The following ACKR2 variants were observed in gnomAD, a reference collection of about 807,000 sequenced individuals.
ACKR2 encodes C-C chemokine receptor D6.
For synonymous variants in ACKR2, 207 were observed against 192.2 expected (o/e 1.08, Z -0.64); for missense variants, 457 against 477.3 (o/e 0.96, Z 0.40).
chr3:42,859,545 A>ATT, intron 2 of ACKR2, among the ~76,000 whole-genome samples: 1 of 151,060 alleles, frequency 6.6e-6, no homozygotes, highest in East Asian at 1.9e-4. Flanking sequence ...TGCCCAGCTA[A>ATT]TTTTTTTTTG....
At chr3:42,847,401 G>A (rs898475636) in intron 2 of ACKR2, among the ~76,000 whole-genome samples, 1 of 152,134 alleles carries the variant, frequency 6.6e-6, no homozygotes, top group African/African-American at 2.4e-5. Flanking sequence ...CGTCAATGGA[G>A]CATGTTAGGA....
At chr3:42,858,148 C>T (rs1452178200) in intron 2 of ACKR2, among the ~76,000 whole-genome samples, 1 of 152,250 alleles carries the variant, frequency 6.6e-6, no homozygotes, top group Admixed American at 6.5e-5. Flanking sequence ...AGCAGTGGAT[C>T]TCCCAGCACA....
chr3:42,843,695 G>C (rs1330993762), intron 2 of ACKR2, among the ~76,000 whole-genome samples: 1 of 152,154 alleles, frequency 6.6e-6, no homozygotes, highest in African/African-American at 2.4e-5. Flanking sequence ...CTGGTGTTCT[G>C]ATTTAGCCAA....
At chr3:42,856,430 G>C in intron 2 of ACKR2, 5 of 702,004 alleles carry the variant, frequency 7.1e-6, no homozygotes, top group Non-Finnish European at 1.3e-5. Context: ...AGATACTTTG[G>C]GTCAACTGAG....
In ACKR2 at chr3:42,865,742, T is replaced by A; in HGVS notation, c.*85T>A. On this transcript the variant is annotated 3_prime_UTR_variant, in exon 3 of 3. Coordinates refer to ENST00000422265, the MANE Select transcript of ACKR2 (RefSeq NM_001296.5). ...AAAGTGCTCTCTCCAGGGGCCTCAG[T>A]GACTGTGTTGCTAAACCCAGTGGTC... 1 of 1,096,270 alleles carries A rather than the reference T, an allele frequency of 9.1e-7. No homozygotes were observed. Among genetic ancestry groups the A allele is most frequent in the Non-Finnish European group, 1.3e-6 (1 of 762,216 alleles). 67.9% of individuals were successfully genotyped at this position (1,096,270 alleles called of 1,614,324 possible). A position where few individuals can be genotyped will look rare whatever the true frequency, so the allele number is the denominator to read the frequency against.
chr3:42,830,824 C>T (rs528453537), intron 2 of ACKR2, among the ~76,000 whole-genome samples: 1 of 152,038 alleles, frequency 6.6e-6, no homozygotes, highest in African/African-American at 2.4e-5. Context: ...CAGGTGCATT[C>T]TATATCCCCT....
At chr3:42,845,642 G>C (rs543934904) in intron 2 of ACKR2, among the ~76,000 whole-genome samples, 1 of 152,038 alleles carries the variant, frequency 6.6e-6, no homozygotes, top group Non-Finnish European at 1.5e-5. Flanking sequence ...TTTAAAAAAC[G>C]TAATAGTGCC....
At chr3:42,811,527 A>G (rs901665259) in intron 1 of ACKR2, among the ~76,000 whole-genome samples, 14 of 152,228 alleles carry the variant, frequency 9.2e-5, no homozygotes, top group African/African-American at 3.4e-4. Context: ...GTATTGTCCA[A>G]GGTTTCCCCC....
At chr3:42,827,907 T>C (rs1182258613) in intron 2 of ACKR2, among the ~76,000 whole-genome samples, 2 of 151,986 alleles carry the variant, frequency 1.3e-5, no homozygotes, top group African/African-American at 4.8e-5. Flanking sequence ...TTGCTAACTT[T>C]GGGCAGAGCA....
intron 2 of ACKR2, among the ~76,000 whole-genome samples, chr3:42,831,850 G>C (rs1700935216): frequency 6.6e-6 from 1 of 152,050 alleles, no homozygotes; most frequent in Non-Finnish European, 1.5e-5. Flanking sequence ...TCCTTTCATG[G>C]ACCATGATGC....
chr3:42,849,063 A>C (rs1559690969), intron 2 of ACKR2, among the ~76,000 whole-genome samples: 1 of 152,268 alleles, frequency 6.6e-6, no homozygotes, highest in Non-Finnish European at 1.5e-5. Context: ...ATTCTGGTTT[A>C]GATCCTGGGC....
chr3:42,865,526 G>T lies in ACKR2; in HGVS notation c.1024G>T (p.Ala342Ser). Reference sequence around the variant, plus strand: ...GCACCTGGCACCTGGCACTGCCCAGGCCTCATTATCCAGCTGTTCTGAGAG... The same window carrying T: ...GCACCTGGCACCTGGCACTGCCCAGTCCTCATTATCCAGCTGTTCTGAGAG... ...GWHLAPGTAQ[A>S]SLSSCSESSI... The change falls in exon 3 of 3, where the codon GCC becomes TCC. Residue 342 changes from alanine (A) to serine (S), a missense_variant. Transcript: ENST00000422265. The T allele has an allele frequency of 1.2e-6, 2 of 1,614,116 alleles. No individual in the cohort carries two copies. The highest frequency in any genetic ancestry group is 1.7e-6 in the Non-Finnish European group (2 of 1,180,022).
chr3:42,840,932 C>T (rs555158056), intron 2 of ACKR2, among the ~76,000 whole-genome samples: 15 of 152,254 alleles, frequency 9.9e-5, no homozygotes, highest in African/African-American at 1.4e-4. Flanking sequence ...TCAGGCAATC[C>T]GCCCACCTCG....
In ACKR2 at chr3:42,826,099, C is replaced by T. The variant is rs570478839; in HGVS notation, c.-38+6388C>T. On this transcript the variant is annotated intron_variant, in intron 2 of 2. Transcript: ENST00000422265. The stretch of plus-strand genomic sequence containing the variant: ...ATGCCTGGCAAATAGCTTAACTAGT[C>T]ATGGTGTATAACCCGTTATATCTGT... Among the ~76,000 whole-genome samples the T allele has an allele frequency of 5.3e-5, 8 of 152,004 alleles. 1 individual carries two copies. The South Asian group carries it at 1.7e-3, about 32-fold the overall frequency.
chr3:42,835,393 G>C (rs145224187), intron 2 of ACKR2: 13 of 151,716 alleles, frequency 8.6e-5, no homozygotes, highest in Non-Finnish European at 4.4e-5. Flanking sequence ...TAGAGTCCAC[G>C]TTGCTTTCCG....
chr3:42,833,639 G>T (rs1181999827), intron 2 of ACKR2, among the ~76,000 whole-genome samples: 2 of 151,788 alleles, frequency 1.3e-5, no homozygotes, highest in Admixed American at 6.6e-5. Context: ...CTACTGTACT[G>T]CCCAGTTCTA....
At chr3:42,862,591 G>A (rs530877615) in intron 2 of ACKR2, among the ~76,000 whole-genome samples, 3 of 151,598 alleles carry the variant, frequency 2.0e-5, no homozygotes, top group Admixed American at 1.3e-4. Flanking sequence ...GAGGCATCAC[G>A]CTACCTGACT....
chr3:42,824,087 G>A (rs138131587), intron 2 of ACKR2, among the ~76,000 whole-genome samples: 1 of 151,982 alleles, frequency 6.6e-6, no homozygotes, highest in Non-Finnish European at 1.5e-5. Flanking sequence ...TTAAACTTGG[G>A]TCTCATCCCA....
chr3:42,849,509 A>G (rs1410288908), intron 2 of ACKR2, among the ~76,000 whole-genome samples: 2 of 152,214 alleles, frequency 1.3e-5, no homozygotes, highest in Non-Finnish European at 2.9e-5. Context: ...GTCAAAAAAA[A>G]AAAGCAAAAC....
Sources: allele counts gnomAD v4.1 joint callset (sites outside exome capture counted in the v4.1 genomes callset), GRCh38; gene constraint gnomAD v4.1.1; transcripts MANE v1.5; gene names NCBI Gene and HGNC (gene_info 2026-07-23, HGNC 2026-07-21).